IDO2: variants seen among roughly 807,000 people sequenced by gnomAD.
The protein encoded by IDO2 is indoleamine 2,3-dioxygenase 2, also known as indoleamine 2,3-dioxygenase-like 1 protein.
In IDO2, 46 loss-of-function variants were observed where a neutral mutation model predicts 45.1. The ratio of observed to expected loss-of-function variants is 1.02; its 90% CI spans 0.80 to 1.30. The LOEUF is 1.30. Among genes scored for constraint, IDO2 ranks in the 50% most tolerant of loss-of-function variants. The pLI is 0.00. For missense variants in IDO2, 544 were observed against 491.8 expected (o/e 1.11, Z -1.00); for synonymous variants, 218 against 184.9 (o/e 1.18, Z -1.45).
At chr8:39,935,366 C>T (rs1807529059) in intron 1 of IDO2, 148 bp downstream of exon 1, 2 of 710,196 alleles carry the variant, frequency 2.8e-6, no homozygotes, top group Non-Finnish European at 5.0e-6. Flanking sequence ...GCAAAGTGCA[C>T]ATGTACTTGC....
At chr8:39,956,828 C>T (rs989673959) in intron 2 of IDO2, among the ~76,000 whole-genome samples, 20 of 151,876 alleles carry the variant, frequency 1.3e-4, no homozygotes, top group Non-Finnish European at 2.4e-4. Context: ...GGGTGGATCA[C>T]GATGTCAGGA....
At chr8:39,993,609 G>T (rs1438748268) in intron 8 of IDO2, among the ~76,000 whole-genome samples, 3 of 152,054 alleles carry the variant, frequency 2.0e-5, no homozygotes, top group Non-Finnish European at 2.9e-5. Flanking sequence ...AACTTATTTT[G>T]TCTAAACTCA....
At chr8:39,982,955 A>G (rs1001363370) in intron 5 of IDO2, among the ~76,000 whole-genome samples, 185 bp downstream of exon 5, 2 of 152,204 alleles carry the variant, frequency 1.3e-5, no homozygotes, top group African/African-American at 4.8e-5. Flanking sequence ...TTCTGAACAC[A>G]TTGGCTCAGA....
At chr8:40,005,935 T>C (rs1249230181) in intron 9 of IDO2, among the ~76,000 whole-genome samples, 8 of 152,194 alleles carry the variant, frequency 5.3e-5, no homozygotes, top group Non-Finnish European at 5.9e-5. Flanking sequence ...ACTAATGCCC[T>C]TATAAAGGGG....
chr8:39,941,005 G>A (rs1164452828), intron 1 of IDO2, among the ~76,000 whole-genome samples: 2 of 150,902 alleles, frequency 1.3e-5, no homozygotes, highest in African/African-American at 2.4e-5. Flanking sequence ...CGGATCACCT[G>A]AGGTCAGGAG....
exon 11 of IDO2, chr8:40,015,406 T>C (rs1456992492): frequency 6.2e-7 from 1 of 1,613,842 alleles, no homozygotes; most frequent in Non-Finnish European, 8.5e-7. Flanking sequence ...CTGGCAGAGC[T>C]GCGGAGCTAT....
chr8:39,945,498 T>C (rs1156567896), intron 1 of IDO2, among the ~76,000 whole-genome samples: 1 of 152,202 alleles, frequency 6.6e-6, no homozygotes, highest in Non-Finnish European at 1.5e-5. Context: ...ACCTGGCTGG[T>C]TGTTATGTTG....
intron 9 of IDO2, among the ~76,000 whole-genome samples, chr8:40,006,834 T>C (rs1289368854): frequency 6.6e-6 from 1 of 151,972 alleles, no homozygotes; most frequent in African/African-American, 2.4e-5. Flanking sequence ...CTAATTCTTG[T>C]ATTTTTAGTA....
At chr8:39,958,197 G>A (rs995243266) in intron 2 of IDO2, among the ~76,000 whole-genome samples, 2 of 149,668 alleles carry the variant, frequency 1.3e-5, no homozygotes, top group Non-Finnish European at 3.0e-5. Flanking sequence ...GAGCCACCGC[G>A]CCCAGACTTT....
At chr8:40,015,401 A>C in exon 11 of IDO2, 1 of 1,613,984 alleles carries the variant, frequency 6.2e-7, no homozygotes, top group Non-Finnish European at 8.5e-7. Flanking sequence ...AGGCCCTGGC[A>C]GAGCTGCGGA....
intron 2 of IDO2, among the ~76,000 whole-genome samples, chr8:39,951,981 T>C (rs975527092): frequency 2.0e-5 from 3 of 152,242 alleles, no homozygotes; most frequent in Admixed American, 2.0e-4. Flanking sequence ...TTCCTGAGCT[T>C]ATGCAGAAAA....
At chr8:40,002,754 TG>T (rs1326508226) in intron 8 of IDO2, among the ~76,000 whole-genome samples, 1 of 152,120 alleles carries the variant, frequency 6.6e-6, no homozygotes, top group East Asian at 1.9e-4. Context: ...TACTCCAGCC[TG>T]GGTGACAGAG....
intron 8 of IDO2, among the ~76,000 whole-genome samples, chr8:40,000,813 G>C (rs1397183633): frequency 6.6e-6 from 1 of 152,132 alleles, no homozygotes; most frequent in Non-Finnish European, 1.5e-5. Flanking sequence ...TCTTCACAAT[G>C]TTTGAACTAA....
chr8:39,935,166 T>G, exon 1 of IDO2: 1 of 1,610,658 alleles, frequency 6.2e-7, no homozygotes, highest in Non-Finnish European at 8.5e-7. Context: ...GAAATGAAGC[T>G]TGACACTTCA....
At chr8:39,987,194 A>C (rs1809746158) in intron 6 of IDO2, 1 of 151,596 alleles carries the variant, frequency 6.6e-6, no homozygotes, top group Admixed American at 6.6e-5. Flanking sequence ...CACTTCCCCC[A>C]CCTCCTGCCG....
At chr8:40,011,934 C>T (rs1048048908) in intron 9 of IDO2, among the ~76,000 whole-genome samples, 1 of 152,184 alleles carries the variant, frequency 6.6e-6, no homozygotes, top group Non-Finnish European at 1.5e-5. Flanking sequence ...CCACCATTCC[C>T]CTGCACTGCT....
At chr8:39,962,021 T>G (rs796652732) in intron 2 of IDO2, among the ~76,000 whole-genome samples, 1 of 152,238 alleles carries the variant, frequency 6.6e-6, no homozygotes, top group South Asian at 2.1e-4. Context: ...CCAACTCTCC[T>G]GCTGTAATGT....
chr8:39,947,489 T>C, intron 1 of IDO2, among the ~76,000 whole-genome samples: 1 of 152,214 alleles, frequency 6.6e-6, no homozygotes, highest in East Asian at 1.9e-4. Context: ...TATTTAAAAG[T>C]GTTTTTACCT....
At chr8:39,973,656 C>T (rs927768566) in intron 3 of IDO2, among the ~76,000 whole-genome samples, 1 of 152,022 alleles carries the variant, frequency 6.6e-6, no homozygotes, top group African/African-American at 2.4e-5. Context: ...TACAGCTAAA[C>T]TCCATATTTC....
Sources: allele counts gnomAD v4.1 joint callset (sites outside exome capture counted in the v4.1 genomes callset), GRCh38; gene constraint gnomAD v4.1.1; transcripts MANE v1.5; gene names NCBI Gene and HGNC (gene_info 2026-07-23, HGNC 2026-07-21).